Variants in DACH2 observed in about 807,000 individuals in gnomAD.
DACH2 encodes dachshund family transcription factor 2.
Under a neutral mutation model 35.8 loss-of-function variants are expected in DACH2, and 17 were observed. That is an observed-to-expected ratio of 0.48 (90% CI 0.33 to 0.71). The LOEUF (loss-of-function observed/expected upper bound fraction) is 0.71, where lower values mean the gene tolerates loss of function less well. Ranked by LOEUF, DACH2 falls within the 30% of genes least tolerant of loss-of-function variation. DACH2 has a pLI of 0.02. For synonymous variants in DACH2, 195 were observed against 177.3 expected (o/e 1.10, Z -0.79); for missense variants, 469 against 472.7 (o/e 0.99, Z 0.07).
chrX:86,527,297 A>G (rs2038647645), intron 3 of DACH2, among the ~76,000 whole-genome samples: 1 of 111,822 alleles, frequency 8.9e-6, no homozygotes, highest in Admixed American at 9.5e-5. Context: ...CCATCACCAC[A>G]GTCAAGATAG....
At chrX:86,734,826 A>G (rs1231126405) in intron 6 of DACH2, among the ~76,000 whole-genome samples, 1 of 111,807 alleles carries the variant, frequency 8.9e-6, no homozygotes, top group East Asian at 2.8e-4. Context: ...AAGTCTTTCA[A>G]GTTACAGTCT....
At chrX:86,235,200 A>T (rs929696808) in intron 1 of DACH2, among the ~76,000 whole-genome samples, 1 of 111,623 alleles carries the variant, frequency 9.0e-6, no homozygotes, top group African/African-American at 3.3e-5. Flanking sequence ...TGGGAGAAAG[A>T]CCATTTTCAT....
intron 1 of DACH2, among the ~76,000 whole-genome samples, chrX:86,157,155 A>C (rs2030572958): frequency 9.0e-6 from 1 of 111,719 alleles, no homozygotes; most frequent in African/African-American, 3.2e-5. Context: ...GGTACAGGAA[A>C]GTTAAAAAAT....
chrX:86,602,647 T>G, intron 3 of DACH2, among the ~76,000 whole-genome samples: 1 of 112,221 alleles, frequency 8.9e-6, no homozygotes, highest in Middle Eastern at 4.6e-3. Flanking sequence ...GTTCCTTCTT[T>G]GGTACATGTC....
At chrX:86,541,986 A>G (rs1276596230) in intron 3 of DACH2, among the ~76,000 whole-genome samples, 3 of 112,063 alleles carry the variant, frequency 2.7e-5, no homozygotes, top group Admixed American at 9.5e-5. Context: ...GAAGTATTAC[A>G]CTTAGAACAA....
intron 3 of DACH2, among the ~76,000 whole-genome samples, chrX:86,647,119 G>T (rs1241769706): frequency 9.1e-6 from 1 of 109,822 alleles, no homozygotes; most frequent in Non-Finnish European, 1.9e-5. Context: ...ACAGTATGTT[G>T]GTTTCTCAAA....
chrX:86,694,375 G>T (rs2041043221), intron 4 of DACH2, among the ~76,000 whole-genome samples: 1 of 112,067 alleles, frequency 8.9e-6, no homozygotes, highest in Admixed American at 9.5e-5. Context: ...CTAGATACCA[G>T]ATAAAATAGC....
chrX:86,427,322 T>C (rs1027925293), intron 2 of DACH2, among the ~76,000 whole-genome samples: 5 of 111,450 alleles, frequency 4.5e-5, no homozygotes, highest in African/African-American at 1.6e-4. Flanking sequence ...GAAAATTTTT[T>C]ATAAATTAAG....
intron 1 of DACH2, among the ~76,000 whole-genome samples, chrX:86,292,937 T>G (rs1263791537): frequency 3.9e-5 from 4 of 102,055 alleles, no homozygotes; most frequent in Non-Finnish European, 7.9e-5. Flanking sequence ...AGATGTCTAT[T>G]AGGTCCGCTT....
chrX:86,676,870 GCAAAGGCATCCAT>G (rs1317654545), intron 4 of DACH2, among the ~76,000 whole-genome samples: 3 of 110,957 alleles, frequency 2.7e-5, no homozygotes, highest in Non-Finnish European at 5.7e-5. Flanking sequence ...CATAGAGTGG[GCAAAGGCATCCAT>G]CACCCCACAC....
intron 2 of DACH2, among the ~76,000 whole-genome samples, chrX:86,394,019 A>G (rs898301750): frequency 9.2e-6 from 1 of 108,478 alleles, no homozygotes; most frequent in African/African-American, 3.3e-5. Flanking sequence ...TTTTGAAATT[A>G]TACCTTTCAG....
intron 3 of DACH2, among the ~76,000 whole-genome samples, chrX:86,589,861 A>G (rs1480119928): frequency 8.9e-6 from 1 of 111,813 alleles, no homozygotes; most frequent in Non-Finnish European, 1.9e-5. Context: ...TTCACATCTT[A>G]TACCTCATTT....
At chrX:86,336,613 G>T (rs779676414) in intron 1 of DACH2, among the ~76,000 whole-genome samples, 1 of 111,687 alleles carries the variant, frequency 9.0e-6, no homozygotes, top group South Asian at 3.7e-4. Flanking sequence ...CCATGAAGAT[G>T]GGGAGAAACA....
intron 7 of DACH2, among the ~76,000 whole-genome samples, chrX:86,761,103 G>A (rs1407826446): frequency 9.0e-6 from 1 of 111,186 alleles, no homozygotes; most frequent in Non-Finnish European, 1.9e-5. Context: ...AGGTATACAT[G>A]TGCCATGGTG....
chrX:86,456,226 C>T (rs1428125619), intron 2 of DACH2, among the ~76,000 whole-genome samples: 2 of 112,321 alleles, frequency 1.8e-5, no homozygotes, highest in Non-Finnish European at 3.8e-5. Context: ...TCACTTGCCC[C>T]TTTCATTTTT....
intron 1 of DACH2, among the ~76,000 whole-genome samples, chrX:86,303,616 A>G (rs1267396573): frequency 9.1e-6 from 1 of 110,231 alleles, no homozygotes; most frequent in Non-Finnish European, 1.9e-5. Context: ...ATTTCTTTCT[A>G]CCTTTGGATT....
chrX:86,675,314 G>A (rs1234541787), intron 4 of DACH2, among the ~76,000 whole-genome samples: 1 of 111,887 alleles, frequency 8.9e-6, no homozygotes, highest in Non-Finnish European at 1.9e-5. Flanking sequence ...TTAGTGGGAA[G>A]ATAATCATCA....
chrX:86,741,972 A>G (rs945376054), intron 7 of DACH2, among the ~76,000 whole-genome samples: 1 of 111,224 alleles, frequency 9.0e-6, no homozygotes, highest in African/African-American at 3.3e-5. Flanking sequence ...AGGTGCCCAT[A>G]ATATATAGAA....
intron 2 of DACH2, among the ~76,000 whole-genome samples, chrX:86,470,033 G>C (rs1224798821): frequency 1.0e-5 from 1 of 97,859 alleles, no homozygotes; most frequent in African/African-American, 5.5e-5. Context: ...CTCTCAGTTA[G>C]ATATTTCATT....
Sources: gnomAD v4.1 joint callset for allele counts (sites outside exome capture counted in the v4.1 genomes callset) on GRCh38, gnomAD v4.1.1 for gene constraint, MANE v1.5 for transcripts, NCBI Gene and HGNC (gene_info 2026-07-23, HGNC 2026-07-21) for gene names.